Variants in WWOX observed in about 807,000 individuals in gnomAD.
WWOX encodes WW domain containing oxidoreductase.
Under a neutral mutation model 46.2 loss-of-function variants are expected in WWOX, and 69 were observed. The ratio of observed to expected loss-of-function variants is 1.49; its 90% CI spans 1.23 to 1.82. The LOEUF (loss-of-function observed/expected upper bound fraction) is 1.82. WWOX is among the 40% of genes most tolerant of loss of function. The pLI is 0.00. For synonymous variants in WWOX, 359 were observed against 202.6 expected (o/e 1.77, Z -6.56); for missense variants, 919 against 542.6 (o/e 1.69, Z -6.89).
intron 8 of WWOX, among the ~76,000 whole-genome samples, chr16:78,584,385 T>G (rs773111688): frequency 1.3e-5 from 2 of 152,202 alleles, no homozygotes; most frequent in African/African-American, 2.4e-5. Context: ...GATGTGACTT[T>G]CCAGGCTTGG....
At chr16:78,463,325 C>T (rs1353751268) in intron 8 of WWOX, among the ~76,000 whole-genome samples, 2 of 152,124 alleles carry the variant, frequency 1.3e-5, no homozygotes, top group Admixed American at 6.5e-5. Flanking sequence ...GAAATTCTTA[C>T]CCGATGCTTA....
chr16:78,774,366 A>C (rs1419749816), intron 8 of WWOX, among the ~76,000 whole-genome samples: 2 of 152,132 alleles, frequency 1.3e-5, no homozygotes, highest in African/African-American at 4.8e-5. Context: ...GCGCCACTGC[A>C]CTCCAGTCTG....
chr16:78,651,414 C>G (rs997854966), intron 8 of WWOX, among the ~76,000 whole-genome samples: 1 of 152,186 alleles, frequency 6.6e-6, no homozygotes, highest in African/African-American at 2.4e-5. Context: ...CAGTGTTTTA[C>G]TCTGGCAGGA....
chr16:79,195,671 C>T (rs957910405), intron 8 of WWOX, among the ~76,000 whole-genome samples: 1 of 152,162 alleles, frequency 6.6e-6, no homozygotes, highest in African/African-American at 2.4e-5. Flanking sequence ...AAAGGTAAGC[C>T]AGCTTGTCTA....
At chr16:78,235,556 C>G (rs1212581336) in intron 5 of WWOX, among the ~76,000 whole-genome samples, 1 of 152,210 alleles carries the variant, frequency 6.6e-6, no homozygotes. Context: ...TCTCTGTCTG[C>G]ATCTTCAGCG....
At chr16:78,709,746 T>G (rs1476895275) in intron 8 of WWOX, among the ~76,000 whole-genome samples, 1 of 151,640 alleles carries the variant, frequency 6.6e-6, no homozygotes, top group African/African-American at 2.4e-5. Context: ...TTTTTTTTTT[T>G]TTGTGATAAT....
At chr16:78,534,827 G>A (rs1008845054) in intron 8 of WWOX, among the ~76,000 whole-genome samples, 2 of 147,572 alleles carry the variant, frequency 1.4e-5, no homozygotes, top group Admixed American at 6.7e-5. Context: ...CCACTGCCCT[G>A]ATCAGCTTCC....
At chr16:78,949,512 T>C (rs898942868) in intron 8 of WWOX, among the ~76,000 whole-genome samples, 1 of 152,160 alleles carries the variant, frequency 6.6e-6, no homozygotes, top group African/African-American at 2.4e-5. Flanking sequence ...GGATGATGAG[T>C]GTGTTCAGAG....
intron 8 of WWOX, among the ~76,000 whole-genome samples, chr16:78,713,992 G>C (rs2048505200): frequency 1.3e-5 from 2 of 152,082 alleles, no homozygotes; most frequent in Non-Finnish European, 2.9e-5. Flanking sequence ...GTGTACTCTA[G>C]TTCTCTTTCC....
chr16:78,874,321 T>A (rs2044190236), intron 8 of WWOX, among the ~76,000 whole-genome samples: 1 of 150,660 alleles, frequency 6.6e-6, no homozygotes, highest in Non-Finnish European at 1.5e-5. Flanking sequence ...GGGAGTTGAA[T>A]AGAGAGCTGC....
At chr16:78,575,955 A>G (rs1273466628) in intron 8 of WWOX, among the ~76,000 whole-genome samples, 1 of 151,378 alleles carries the variant, frequency 6.6e-6, no homozygotes, top group African/African-American at 2.5e-5. Context: ...TACCCTGTGG[A>G]GTAAAATGCA....
At position 78,690,767 on chromosome 16, in the gene WWOX, C is replaced by A. The variant is rs116818888; in HGVS notation, c.1056+258015C>A. Among the ~76,000 whole-genome samples the A allele has an allele frequency of 3.7e-3, 568 of 152,278 alleles. 3 individuals are homozygous for A. The highest frequency in any genetic ancestry group is 0.013 in the African/African-American group (542 of 41,550). On this transcript the variant is annotated intron_variant, in intron 8 of 8. Transcript: ENST00000566780. ...CCATTAAGTCCCTGAATTATTTAAG[C>A]ACTGCCAGTGATTCTATATAAACCG...
chr16:79,059,883 A>G (rs748070973), intron 8 of WWOX, among the ~76,000 whole-genome samples: 9 of 152,352 alleles, frequency 5.9e-5, no homozygotes, highest in Middle Eastern at 6.8e-3. Context: ...TTTATTAACA[A>G]CTTGAGTAAT....
intron 6 of WWOX, among the ~76,000 whole-genome samples, chr16:78,399,309 A>T (rs1392343591): frequency 6.6e-6 from 1 of 152,244 alleles, no homozygotes; most frequent in African/African-American, 2.4e-5. Flanking sequence ...CATGGAGCCT[A>T]TACCTTTGTA....
At chr16:78,215,295 C>A (rs1451878458) in intron 5 of WWOX, among the ~76,000 whole-genome samples, 1 of 152,190 alleles carries the variant, frequency 6.6e-6, no homozygotes, top group South Asian at 2.1e-4. Context: ...GCTGTGTCCC[C>A]ACCCAAATCT....
At chr16:78,427,332 G>C (rs2083105331) in intron 7 of WWOX, among the ~76,000 whole-genome samples, 1 of 152,168 alleles carries the variant, frequency 6.6e-6, no homozygotes, top group Non-Finnish European at 1.5e-5. Context: ...TCTGGAATCT[G>C]AGCAACTGAA....
intron 4 of WWOX, among the ~76,000 whole-genome samples, chr16:78,117,282 A>C (rs922187847): frequency 1.3e-5 from 2 of 152,096 alleles, no homozygotes; most frequent in African/African-American, 4.8e-5. Flanking sequence ...ATGTCGCACA[A>C]GGTCTTAGGG....
intron 8 of WWOX, among the ~76,000 whole-genome samples, chr16:79,177,045 T>C (rs1378976258): frequency 6.6e-6 from 1 of 152,206 alleles, no homozygotes; most frequent in Non-Finnish European, 1.5e-5. Context: ...GTGGGCATAA[T>C]TGCATTCATG....
intron 5 of WWOX, among the ~76,000 whole-genome samples, chr16:78,272,751 T>TA: frequency 6.6e-6 from 1 of 152,152 alleles, no homozygotes; most frequent in African/African-American, 2.4e-5. Flanking sequence ...ATAATGCTAA[T>TA]AGTAATGATA....
Sources: allele counts gnomAD v4.1 joint callset (sites outside exome capture counted in the v4.1 genomes callset), GRCh38; gene constraint gnomAD v4.1.1; transcripts MANE v1.5; gene names NCBI Gene and HGNC (gene_info 2026-07-23, HGNC 2026-07-21).